Variants in EVI5 observed in about 807,000 individuals in gnomAD.
The protein encoded by EVI5 is ecotropic viral integration site 5 protein homolog.
In EVI5, 73 loss-of-function variants were observed where a neutral mutation model predicts 112.0. The observed-to-expected ratio is 0.65, with a 90% CI of 0.54 to 0.79. The LOEUF (loss-of-function observed/expected upper bound fraction) is 0.79. EVI5 is among the 30% of genes least tolerant of loss of function. EVI5 has a pLI of 0.00. For missense variants in EVI5, 900 were observed against 968.8 expected (o/e 0.93, Z 0.94); for synonymous variants, 305 against 319.9 (o/e 0.95, Z 0.50).
At chr1:92,703,925 T>A (rs1671580588) in intron 3 of EVI5, 1 of 44,042 alleles carries the variant, frequency 2.3e-5, no homozygotes, top group Non-Finnish European at 3.6e-5. Context: ...CAAAGGGCTG[T>A]TGAAGGCAAA....
At chr1:92,718,917 C>T (rs1453537324) in intron 2 of EVI5, among the ~76,000 whole-genome samples, 1 of 152,122 alleles carries the variant, frequency 6.6e-6, no homozygotes, top group Non-Finnish European at 1.5e-5. Context: ...ATAATAAACA[C>T]CTCTGTGCAA....
chr1:92,786,998 G>A (rs1392387962), upstream of EVI5, among the ~76,000 whole-genome samples: 1 of 152,142 alleles, frequency 6.6e-6, no homozygotes. Context: ...ATCCACCTCT[G>A]AGAAGCATCT....
At chr1:92,539,171 C>T (rs1479830347) in intron 19 of EVI5, among the ~76,000 whole-genome samples, 1 of 152,118 alleles carries the variant, frequency 6.6e-6, no homozygotes, top group Non-Finnish European at 1.5e-5. Context: ...CTTAATTCCC[C>T]CAATATCTCC....
At chr1:92,575,118 C>A (rs538481638) in intron 18 of EVI5, among the ~76,000 whole-genome samples, 1 of 152,266 alleles carries the variant, frequency 6.6e-6, no homozygotes, top group East Asian at 1.9e-4. Context: ...AAAATTTTCC[C>A]CTAGTTTTCA....
intron 9 of EVI5, among the ~76,000 whole-genome samples, chr1:92,681,132 T>G (rs1386694753): frequency 1.3e-5 from 2 of 152,200 alleles, no homozygotes; most frequent in Admixed American, 1.3e-4. Flanking sequence ...TTTTTGCCGT[T>G]GAAAGTAATG....
intron 14 of EVI5, among the ~76,000 whole-genome samples, chr1:92,626,539 T>C (rs1655699528): frequency 6.6e-6 from 1 of 152,182 alleles, no homozygotes; most frequent in Admixed American, 6.5e-5. Flanking sequence ...AAGATATACT[T>C]AGGAGTAGAA....
At chr1:92,665,843 G>A in intron 11 of EVI5, 96 bp downstream of exon 11, 4 of 794,490 alleles carry the variant, frequency 5.0e-6, no homozygotes, top group South Asian at 1.6e-5. Flanking sequence ...CTACAACATA[G>A]GAGACATGTG....
chr1:92,724,529 T>C (rs1675259275), intron 2 of EVI5, among the ~76,000 whole-genome samples: 2 of 152,160 alleles, frequency 1.3e-5, no homozygotes, highest in Non-Finnish European at 2.9e-5. Flanking sequence ...GACTTTAGGC[T>C]TGGCACACTC....
At chr1:92,634,244 G>A (rs1428986719) in intron 14 of EVI5, among the ~76,000 whole-genome samples, 1 of 152,128 alleles carries the variant, frequency 6.6e-6, no homozygotes, top group South Asian at 2.1e-4. Context: ...CTAGATTGGG[G>A]AAGTTCTCCT....
rs971611317 is a variant in EVI5 at position 92,784,861 on chromosome 1, C to T, written c.-107G>A. ...CTTGGAAACGTTGAGTAGACTTCGC[C>T]GTAAACATTAACTTCCCATCCAGCC... On this transcript the variant is annotated 5_prime_UTR_variant, in exon 1 of 20. Coordinates refer to ENST00000684568, the MANE Select transcript of EVI5 (RefSeq NM_001350197.2). The T allele has an allele frequency of 5.1e-6, 5 of 985,602 alleles. No individual in the cohort carries two copies. Among genetic ancestry groups the T allele is most frequent in the Non-Finnish European group, 4.8e-6 (4 of 830,244 alleles). 61.1% of individuals were successfully genotyped at this position (985,602 alleles called of 1,614,324 possible).
chr1:92,727,913 G>A (rs1011129711), intron 2 of EVI5, among the ~76,000 whole-genome samples: 1 of 151,716 alleles, frequency 6.6e-6, no homozygotes, highest in African/African-American at 2.4e-5. Flanking sequence ...AGAACTGCTT[G>A]AGTCTGGGAG....
chr1:92,696,238 G>C (rs1369549809), intron 6 of EVI5, among the ~76,000 whole-genome samples: 1 of 151,910 alleles, frequency 6.6e-6, no homozygotes, highest in Non-Finnish European at 1.5e-5. Context: ...AGCCATAAAT[G>C]ACACATTAAT....
intron 13 of EVI5, among the ~76,000 whole-genome samples, chr1:92,648,395 TA>T (rs1006056682): frequency 2.0e-5 from 3 of 150,628 alleles, no homozygotes; most frequent in Non-Finnish European, 3.0e-5. Context: ...ATAATAAAAA[TA>T]AAAAAATAAA....
intron 1 of EVI5, among the ~76,000 whole-genome samples, chr1:92,762,398 C>T (rs543944915): frequency 6.6e-6 from 1 of 152,270 alleles, no homozygotes; most frequent in South Asian, 2.1e-4. Context: ...TTCACCATAA[C>T]CCTGAGATAT....
At chr1:92,526,344 C>G (rs1661877060) in intron 19 of EVI5, among the ~76,000 whole-genome samples, 1 of 152,202 alleles carries the variant, frequency 6.6e-6, no homozygotes, top group Non-Finnish European at 1.5e-5. Flanking sequence ...CAGGCATAAG[C>G]CGCCGTGCCC....
At chr1:92,707,607 T>A (rs142691710) in intron 2 of EVI5, among the ~76,000 whole-genome samples, 1 of 152,172 alleles carries the variant, frequency 6.6e-6, no homozygotes, top group Non-Finnish European at 1.5e-5. Flanking sequence ...CCAAACTATA[T>A]ACATATTAGA....
intron 11 of EVI5, 136 bp downstream of exon 11, chr1:92,665,803 T>G: frequency 1.9e-6 from 1 of 537,400 alleles, no homozygotes. Context: ...GCTAAATAAA[T>G]AGTAAGGTAA....
intron 14 of EVI5, among the ~76,000 whole-genome samples, chr1:92,627,260 A>G (rs1655889736): frequency 6.6e-6 from 1 of 152,216 alleles, no homozygotes; most frequent in African/African-American, 2.4e-5. Context: ...AGAACATACG[A>G]TGCTTGGTTT....
rs529884370 is a variant in EVI5, at chr1:92,747,570, C to T, written c.-81-10943G>A. Among the ~76,000 whole-genome samples, 15 of 151,796 alleles carry T rather than the reference C, an allele frequency of 9.9e-5. No individual in the cohort carries two copies. In the South Asian group the frequency reaches 2.5e-3, roughly 25 times the overall value. ...CTCTACCAAAAATACAAAAATTAGC[C>T]GGGAGTGATGTTGGGTGCCTGTAGT... On this transcript the variant is annotated intron_variant, in intron 1 of 19. Transcript: ENST00000684568.
Sources: allele counts gnomAD v4.1 joint callset (sites outside exome capture counted in the v4.1 genomes callset), GRCh38; gene constraint gnomAD v4.1.1; transcripts MANE v1.5; gene names NCBI Gene and HGNC (gene_info 2026-07-23, HGNC 2026-07-21).